The following SMPD4 variants were observed in gnomAD, a reference collection of about 807,000 sequenced individuals.
SMPD4 encodes the protein neutral sphingomyelinase 3.
SMPD4 carries 58 observed loss-of-function variants against 97.8 expected under a neutral mutation model. The observed-to-expected ratio is 0.59, with a 90% confidence interval of 0.48 to 0.74. SMPD4 has a LOEUF of 0.74. Among genes scored for constraint, SMPD4 ranks in the 30% least tolerant of loss-of-function variants. The pLI is 0.00. For synonymous variants in SMPD4, 388 were observed against 450.0 expected (o/e 0.86, Z 1.74); for missense variants, 853 against 1,080.5 (o/e 0.79, Z 2.95).
chr2:130,161,272 G>A lies in SMPD4; in HGVS notation c.865C>T (p.Leu289=). ...CTGAGTCGGTAGTGCAGAACCTCCA[G>A]CTGAGATAAGAAACAGAGAGATGCC... ...YQKMQSPHAK[L]EVLHYRLSVS... is the part of the protein sequence containing the mutation. Residue 289 remains leucine, a splice_region_variant and synonymous_variant, in exon 11 of 20, where the codon CTG becomes TTG. Coordinates refer to ENST00000680298, the MANE Select transcript of SMPD4 (RefSeq NM_017951.5). 6.2e-7 allele frequency: 1 copy of A among 1,613,906 alleles called. No individual in the cohort carries two copies. The highest frequency in any genetic ancestry group is 8.5e-7 in the Non-Finnish European group (1 of 1,179,852).
In SMPD4 at chr2:130,152,247, T is replaced by G; in HGVS notation, c.*308A>C. The stretch of plus-strand genomic sequence containing the variant: ...TGCAGCAGAGTAGCCAAATGGGCAG[T>G]GGAAAAAAGGCCCCGAGAGCTGGCT... On this transcript the variant is annotated 3_prime_UTR_variant, in exon 20 of 20. Coordinates refer to ENST00000680298, the MANE Select transcript of SMPD4 (RefSeq NM_017951.5). The G allele has an allele frequency of 3.3e-6, 1 of 298,626 alleles. No individual in the cohort carries two copies. The allele number at this position is 298,626 out of a possible 1,614,324, so 18.5% of individuals were successfully genotyped here.
At chr2:130,156,485 T>A (rs147008067) in intron 13 of SMPD4, 100 bp downstream of exon 13, 6 of 1,200,702 alleles carry the variant, frequency 5.0e-6, no homozygotes, top group Non-Finnish European at 7.1e-6. Context: ...CCAAGGCCTC[T>A]GTGATAACAC....
rs10909567 is a variant in SMPD4, at chr2:130,167,515, C to T, written c.735G>A (p.Thr245=). The part of the protein sequence containing the change: ...SLLKRHISHQ[T]SVNADPASHE... ...GGGAGGCGGGGTCTGCATTCACAGA[C>T]GTCTGATGAGAGATGTGTCGCTTTA... Residue 245 remains threonine (T), a synonymous_variant, in exon 9 of 20, where the codon ACG becomes ACA. Transcript: ENST00000680298. The T allele has an allele frequency of 0.36, 587,619 of 1,613,326 alleles. 108,195 individuals carry two copies. Among genetic ancestry groups the T allele is most frequent in the Admixed American group, 0.43 (25,650 of 59,986 alleles).
intron 9 of SMPD4, 34 bp from the exon 10 acceptor site, chr2:130,164,479 T>G (rs1248387401): frequency 2.5e-6 from 4 of 1,579,178 alleles, no homozygotes; most frequent in Non-Finnish European, 3.5e-6. Context: ...AAACCATTCT[T>G]GACAATGGTG....
intron 10 of SMPD4, among the ~76,000 whole-genome samples, chr2:130,163,464 A>G (rs1446166780): frequency 6.6e-6 from 1 of 152,246 alleles, no homozygotes; most frequent in Non-Finnish European, 1.5e-5. Flanking sequence ...GCTCTTTGCC[A>G]GAACCAGAGG....
intron 11 of SMPD4, chr2:130,158,404 G>A (rs1687048582): frequency 5.2e-5 from 18 of 347,670 alleles, no homozygotes; most frequent in South Asian, 4.4e-4. Context: ...TGCAACCTCC[G>A]CCTCCAGGTT....
intron 11 of SMPD4, among the ~76,000 whole-genome samples, chr2:130,159,851 T>G (rs1381668366): frequency 6.6e-6 from 1 of 152,070 alleles, no homozygotes; most frequent in Non-Finnish European, 1.5e-5. Flanking sequence ...CCTCCACATG[T>G]GAACTGGAAA....
chr2:130,163,812 CAG>C (rs911273446), intron 10 of SMPD4, among the ~76,000 whole-genome samples: 1 of 152,078 alleles, frequency 6.6e-6, no homozygotes, highest in Non-Finnish European at 1.5e-5. Flanking sequence ...GCGTGCTGCC[CAG>C]AGAGAGAGAG....
At chr2:130,162,262 A>G (rs952965962) in intron 10 of SMPD4, among the ~76,000 whole-genome samples, 2 of 152,166 alleles carry the variant, frequency 1.3e-5, no homozygotes, top group African/African-American at 4.8e-5. Context: ...CTGCAGCACC[A>G]CGGCCTGCCG....
intron 13 of SMPD4, 76 bp from the exon 14 acceptor site, chr2:130,156,211 C>G (rs1285381662): frequency 2.3e-6 from 3 of 1,326,442 alleles, no homozygotes; most frequent in Admixed American, 3.8e-5. Context: ...AGATACCAGG[C>G]GGCAGCTGGG....
At chr2:130,164,339 G>A (rs1210657760) in intron 10 of SMPD4, 35 bp downstream of exon 10, 3 of 1,576,468 alleles carry the variant, frequency 1.9e-6, no homozygotes, top group Non-Finnish European at 2.6e-6. Context: ...AGCAGGGTCA[G>A]AAGCAGGAGG....
intron 1 of SMPD4, 153 bp downstream of exon 1, chr2:130,181,377 G>T: frequency 1.4e-6 from 2 of 1,447,478 alleles, no homozygotes; most frequent in South Asian, 1.5e-5. Context: ...ACTCAACCGG[G>T]GCCCTCCACT....
intron 2 of SMPD4, 97 bp downstream of exon 2, chr2:130,176,457 C>T: frequency 1.0e-6 from 1 of 968,222 alleles, no homozygotes; most frequent in East Asian, 2.5e-5. Context: ...AAAAAACAAC[C>T]ACTACAGAGT....
At chr2:130,172,278 C>G (rs1688544834) in intron 8 of SMPD4, 71 bp downstream of exon 8, 10 of 1,444,384 alleles carry the variant, frequency 6.9e-6, no homozygotes, top group Non-Finnish European at 9.2e-6. Flanking sequence ...CAACATTGTC[C>G]CCGTGGGCGA....
In SMPD4 at chr2:130,158,863, A is replaced by G. The variant is rs536045549; in HGVS notation, c.952-1467T>C. Among the ~76,000 whole-genome samples, 235 of 152,260 alleles carry G rather than the reference A, an allele frequency of 1.5e-3. 2 individuals are homozygous for G. The highest frequency in any genetic ancestry group is 5.3e-3 in the African/African-American group (221 of 41,546). ...GCCCAGCCTCCAGGTATATCCTGGT[A>G]TGCTGTAGACCCCGCACGGGCCACT... On this transcript the variant is annotated intron_variant, in intron 11 of 19. Transcript: ENST00000680298.
intron 2 of SMPD4, 60 bp from the exon 3 acceptor site, chr2:130,175,060 C>T (rs866157090): frequency 1.6e-6 from 2 of 1,228,864 alleles, no homozygotes; most frequent in Non-Finnish European, 2.4e-6. Flanking sequence ...CTTTTAGTGG[C>T]ACTCTGGCTT....
intron 1 of SMPD4, among the ~76,000 whole-genome samples, chr2:130,178,872 G>A (rs966162319): frequency 6.6e-6 from 1 of 152,016 alleles, no homozygotes; most frequent in Non-Finnish European, 1.5e-5. Flanking sequence ...GCTCACCCAG[G>A]TCAGAAATGA....
intron 9 of SMPD4, among the ~76,000 whole-genome samples, chr2:130,164,997 C>T (rs1456809419): frequency 1.3e-5 from 2 of 149,840 alleles, no homozygotes; most frequent in Admixed American, 6.7e-5. Flanking sequence ...ATAATCCCAG[C>T]GACTTGGGAG....
rs762144739 is a variant in SMPD4 at position 130,152,742 on chromosome 2, C to T, written c.2297G>A (p.Gly766Asp). ...CAGGAAGCGCAGGCTGAGCCTGGGGCCGCGGGTGTGGCCGGCCACCTGCCT... is the reference window on the plus strand; with the variant it reads ...CAGGAAGCGCAGGCTGAGCCTGGGGTCGCGGGTGTGGCCGGCCACCTGCCT... ...GRRQVAGHTR[G>D]PRLSLRFLGS... The change falls in exon 20 of 20, where the codon GGC becomes GAC. Residue 766 changes from glycine to aspartate, a missense_variant. Gly to Asp is a moderately conservative substitution (Grantham distance 94). This residue lies in a region of SMPD4 where 511 missense variants were observed against 608.1 expected (regional missense o/e 0.84). Coordinates refer to ENST00000680298, the MANE Select transcript of SMPD4 (RefSeq NM_017951.5). 4.4e-6 allele frequency: 7 copies of T among 1,592,124 alleles called. No individual in the cohort carries two copies. Among genetic ancestry groups the T allele is most frequent in the Non-Finnish European group, 6.0e-6 (7 of 1,170,700 alleles).
Sources: allele counts gnomAD v4.1 joint callset (sites outside exome capture counted in the v4.1 genomes callset), GRCh38; gene constraint gnomAD v4.1.1; regional missense constraint gnomAD v4.1.1; transcripts MANE v1.5; gene names NCBI Gene and HGNC (gene_info 2026-07-23, HGNC 2026-07-21).